EYS: variants seen among roughly 807,000 people sequenced by gnomAD.
EYS encodes protein eyes shut homolog.
Under a neutral mutation model 282.1 loss-of-function variants are expected in EYS, and 250 were observed. The ratio of observed to expected loss-of-function variants is 0.89; its 90% CI spans 0.80 to 0.98. The LOEUF is 0.98. Ranked by LOEUF, EYS falls within the 50% of genes least tolerant of loss-of-function variation. The pLI is 0.00. For missense variants in EYS, 4,016 were observed against 3,709.0 expected (o/e 1.08, Z -2.15); for synonymous variants, 1,355 against 1,282.9 (o/e 1.06, Z -1.20).
At chr6:64,410,579 T>A (rs1773857058) in intron 28 of EYS, among the ~76,000 whole-genome samples, 1 of 152,172 alleles carries the variant, frequency 6.6e-6, no homozygotes, top group African/African-American at 2.4e-5. Flanking sequence ...TGCCATTCTA[T>A]CTTTCTTTCA....
At chr6:64,944,541 T>C (rs1769208150) in intron 15 of EYS, among the ~76,000 whole-genome samples, 1 of 152,014 alleles carries the variant, frequency 6.6e-6, no homozygotes, top group Non-Finnish European at 1.5e-5. Flanking sequence ...CCTCTGCCCT[T>C]GAAAGCGGGG....
At chr6:64,205,820 C>CAT (rs1765592974) in intron 31 of EYS, among the ~76,000 whole-genome samples, 1 of 148,964 alleles carries the variant, frequency 6.7e-6, no homozygotes, top group African/African-American at 2.5e-5. Flanking sequence ...TTCATACACA[C>CAT]ACACACACAC....
At chr6:64,189,265 C>T (rs1029582841) in intron 31 of EYS, among the ~76,000 whole-genome samples, 5 of 152,194 alleles carry the variant, frequency 3.3e-5, no homozygotes, top group African/African-American at 1.2e-4. Flanking sequence ...CAGGAGTGAG[C>T]AAACAATGGC....
intron 1 of EYS, among the ~76,000 whole-genome samples, chr6:65,700,612 T>G (rs899513827): frequency 1.3e-5 from 2 of 152,242 alleles, no homozygotes; most frequent in Non-Finnish European, 2.9e-5. Flanking sequence ...TAATATTTAC[T>G]ATATTCATTA....
At chr6:65,343,214 C>A (rs968905387) in intron 10 of EYS, among the ~76,000 whole-genome samples, 4 of 151,020 alleles carry the variant, frequency 2.6e-5, no homozygotes, top group African/African-American at 9.7e-5. Context: ...TGACTTGTAT[C>A]AGTTTTTACA....
chr6:64,547,595 A>C, intron 26 of EYS, among the ~76,000 whole-genome samples: 1 of 152,186 alleles, frequency 6.6e-6, no homozygotes, highest in East Asian at 1.9e-4. Context: ...TGGTGTATTT[A>C]CAATCCCTTA....
chr6:65,415,913 G>A (rs1365793461), intron 5 of EYS, among the ~76,000 whole-genome samples: 1 of 151,976 alleles, frequency 6.6e-6, no homozygotes, highest in African/African-American at 2.4e-5. Context: ...CAGGTAGCAT[G>A]GTTCCATGTA....
Position 65,495,578 on chromosome 6 carries a change from G to A in EYS, c.-168C>T, listed in dbSNP as rs973838645. 7.8e-6 allele frequency: 5 copies of A among 644,682 alleles called. No homozygotes were observed. Among genetic ancestry groups the A allele is most frequent in the African/African-American group, 5.5e-5 (3 of 54,636 alleles). The allele number at this position is 644,682 out of a possible 1,614,324, so 39.9% of individuals were successfully genotyped here. A position where few individuals can be genotyped will look rare whatever the true frequency, so the allele number is the denominator to read the frequency against. ...TTTGATGACAATGTGCTTTGATGGA[G>A]AAACAGGAATTCAAATGTTGTAAAT... On this transcript the variant is annotated 5_prime_UTR_variant, in exon 4 of 43. Coordinates refer to ENST00000503581, the MANE Select transcript of EYS (RefSeq NM_001142800.2).
intron 29 of EYS, among the ~76,000 whole-genome samples, chr6:64,311,285 C>T (rs1193578953): frequency 6.6e-6 from 1 of 151,912 alleles, no homozygotes; most frequent in Non-Finnish European, 1.5e-5. Context: ...AACAAAGATA[C>T]ACAATTCATA....
chr6:65,666,791 T>TA (rs1349099996), intron 1 of EYS, among the ~76,000 whole-genome samples: 1 of 151,144 alleles, frequency 6.6e-6, no homozygotes, highest in Non-Finnish European at 1.5e-5. Context: ...AATCATAGAA[T>TA]AAAAAAGGTT....
chr6:64,248,707 C>T (rs1464945660), intron 30 of EYS, among the ~76,000 whole-genome samples: 1 of 151,992 alleles, frequency 6.6e-6, no homozygotes, highest in Non-Finnish European at 1.5e-5. Context: ...GAATTACTAT[C>T]CAATTCAACA....
chr6:64,289,906 CAT>C (rs1384861565), intron 30 of EYS, among the ~76,000 whole-genome samples: 6 of 151,968 alleles, frequency 3.9e-5, no homozygotes, highest in African/African-American at 1.4e-4. Context: ...GTAACAAGTA[CAT>C]ATACCTGGTA....
chr6:65,517,029 C>G (rs2127295356), intron 2 of EYS, among the ~76,000 whole-genome samples: 1 of 151,924 alleles, frequency 6.6e-6, no homozygotes, highest in East Asian at 1.9e-4. Flanking sequence ...ATTTATAGTG[C>G]TCTCAATGTC....
chr6:63,775,312 AG>A (rs1770038711), intron 40 of EYS, among the ~76,000 whole-genome samples: 1 of 152,206 alleles, frequency 6.6e-6, no homozygotes, highest in Non-Finnish European at 1.5e-5. Flanking sequence ...GCTAAGAGGA[AG>A]GGAGCTAAAG....
chr6:63,846,155 T>G (rs561866682), intron 36 of EYS, among the ~76,000 whole-genome samples: 1 of 152,262 alleles, frequency 6.6e-6, no homozygotes, highest in South Asian at 2.1e-4. Flanking sequence ...ACATCAAACT[T>G]AAAATGCAAC....
chr6:63,989,420 TA>T (rs1488898651), intron 34 of EYS, among the ~76,000 whole-genome samples: 1 of 151,676 alleles, frequency 6.6e-6, no homozygotes, highest in Non-Finnish European at 1.5e-5. Context: ...TGAAAAGGGA[TA>T]AAAAATAACA....
At chr6:64,887,477 TAAAC>T (rs1767133947) in intron 18 of EYS, among the ~76,000 whole-genome samples, 1 of 152,064 alleles carries the variant, frequency 6.6e-6, no homozygotes, top group Non-Finnish European at 1.5e-5. Context: ...AAGGAGATAT[TAAAC>T]TGATCGAAAC....
At chr6:65,403,581 C>T (rs1487514014) in intron 6 of EYS, among the ~76,000 whole-genome samples, 1 of 151,926 alleles carries the variant, frequency 6.6e-6, no homozygotes, top group Admixed American at 6.6e-5. Context: ...AGGTATATAG[C>T]TTGCCCAACC....
At chr6:63,877,788 C>T (rs1225254801) in intron 35 of EYS, among the ~76,000 whole-genome samples, 11 of 152,150 alleles carry the variant, frequency 7.2e-5, no homozygotes, top group Non-Finnish European at 1.3e-4. Context: ...GCATGCATCA[C>T]GTAGTTCTTG....
Sources: allele counts gnomAD v4.1 joint callset (sites outside exome capture counted in the v4.1 genomes callset), GRCh38; gene constraint gnomAD v4.1.1; transcripts MANE v1.5; gene names NCBI Gene and HGNC (gene_info 2026-07-23, HGNC 2026-07-21).